Variants in NPAS3 observed in about 807,000 individuals in gnomAD.
NPAS3 encodes neuronal PAS domain protein 3.
NPAS3 carries 14 observed loss-of-function variants against 73.1 expected under a neutral mutation model. That is an observed-to-expected ratio of 0.19 (90% confidence interval 0.13 to 0.30). NPAS3 has a LOEUF of 0.30. Among genes scored for constraint, NPAS3 ranks in the 10% least tolerant of loss-of-function variants. The pLI is 1.00. For missense variants in NPAS3, 1,096 were observed against 1,250.0 expected (o/e 0.88, Z 1.86); for synonymous variants, 620 against 541.5 (o/e 1.14, Z -2.01).
chr14:33,548,583 C>A (rs920356596), intron 4 of NPAS3, among the ~76,000 whole-genome samples: 1 of 152,246 alleles, frequency 6.6e-6, no homozygotes, highest in African/African-American at 2.4e-5. Context: ...TGTTATACAA[C>A]TTCAGTAAAC....
chr14:33,473,908 C>A (rs2050901918), intron 4 of NPAS3, among the ~76,000 whole-genome samples: 1 of 152,140 alleles, frequency 6.6e-6, no homozygotes, highest in Admixed American at 6.5e-5. Flanking sequence ...ATCCACAAAG[C>A]CTCAAATATG....
At chr14:33,662,766 A>G (rs2059343881) in intron 5 of NPAS3, among the ~76,000 whole-genome samples, 1 of 150,576 alleles carries the variant, frequency 6.6e-6, no homozygotes, top group South Asian at 2.1e-4. Context: ...TTATTGGTGT[A>G]TAGGAATGCT....
chr14:32,975,090 A>T (rs1389774815), intron 1 of NPAS3, among the ~76,000 whole-genome samples: 1 of 152,176 alleles, frequency 6.6e-6, no homozygotes, highest in Non-Finnish European at 1.5e-5. Context: ...AAAGTGTGAC[A>T]TAAAAGTCTA....
chr14:33,743,931 T>C (rs549676605), intron 7 of NPAS3, among the ~76,000 whole-genome samples: 5 of 152,352 alleles, frequency 3.3e-5, no homozygotes, highest in African/African-American at 1.2e-4. Context: ...TCAGCCTTCA[T>C]AGAATTGAAG....
chr14:33,085,899 G>T (rs1455598845), intron 2 of NPAS3, among the ~76,000 whole-genome samples: 1 of 152,134 alleles, frequency 6.6e-6, no homozygotes, highest in Non-Finnish European at 1.5e-5. Context: ...ATATTATGAT[G>T]GTAGTCAACT....
At chr14:33,772,638 T>C (rs1165373934) in intron 7 of NPAS3, among the ~76,000 whole-genome samples, 1 of 152,228 alleles carries the variant, frequency 6.6e-6, no homozygotes, top group Non-Finnish European at 1.5e-5. Context: ...TGAGCATCTA[T>C]GTAAGCCTAG....
In NPAS3 at chr14:33,775,644, G is replaced by A. The variant is rs1213528249; in HGVS notation, c.1046+1114G>A. Among the ~76,000 whole-genome samples the A allele has an allele frequency of 2.6e-5, 4 of 152,192 alleles. No individual in the cohort carries two copies. The East Asian group carries it at 5.8e-4, about 22-fold the overall frequency. ...ACCTGAGCTATGAGTGTTCAATAGGGTGGAAGATCTCATGAACCTGTTGCT... is the reference window on the plus strand; with the variant it reads ...ACCTGAGCTATGAGTGTTCAATAGGATGGAAGATCTCATGAACCTGTTGCT... On this transcript the variant is annotated intron_variant, in intron 8 of 11. Coordinates refer to ENST00000356141, the Ensembl canonical transcript of NPAS3.
intron 4 of NPAS3, among the ~76,000 whole-genome samples, chr14:33,404,032 T>C (rs3742932): frequency 0.1 from 15,379 of 152,236 alleles, 1,138 homozygotes; most frequent in East Asian, 0.4. Flanking sequence ...GTAATCGTGA[T>C]GCACAGCGTC....
At chr14:33,481,321 G>A (rs1319274602) in intron 4 of NPAS3, among the ~76,000 whole-genome samples, 1 of 152,168 alleles carries the variant, frequency 6.6e-6, no homozygotes, top group African/African-American at 2.4e-5. Flanking sequence ...GTCTATCAGT[G>A]CTGCTCATGT....
intron 3 of NPAS3, among the ~76,000 whole-genome samples, chr14:33,279,875 CA>C (rs1426373915): frequency 6.6e-6 from 1 of 151,944 alleles, no homozygotes; most frequent in Non-Finnish European, 1.5e-5. Flanking sequence ...TTTTGAACTG[CA>C]AAAAAATCAT....
rs139005422 is a variant in NPAS3 at position 33,716,808 on chromosome 14, C to T, written c.734-18406C>T. On this transcript the variant is annotated intron_variant, in intron 6 of 11. Transcript: ENST00000356141. ...TTTTGTTGCTGTTGTTTCTGAGCGCCGCCCCCACCCGACGATGGCTCATTT... is the reference window on the plus strand; with the variant it reads ...TTTTGTTGCTGTTGTTTCTGAGCGCTGCCCCCACCCGACGATGGCTCATTT... Among the ~76,000 whole-genome samples, 310 of 152,136 alleles carry T rather than the reference C, an allele frequency of 2.0e-3. 1 individual carries two copies. The highest frequency in any genetic ancestry group is 3.5e-3 in the South Asian group (17 of 4,810).
intron 3 of NPAS3, among the ~76,000 whole-genome samples, chr14:33,307,047 G>A (rs2042781372): frequency 6.6e-6 from 1 of 152,146 alleles, no homozygotes; most frequent in Non-Finnish European, 1.5e-5. Flanking sequence ...GCTCTGACCT[G>A]GCTATTGCAG....
intron 2 of NPAS3, among the ~76,000 whole-genome samples, chr14:33,111,574 A>C (rs1308960308): frequency 6.6e-6 from 1 of 152,138 alleles, no homozygotes; most frequent in Admixed American, 6.5e-5. Context: ...CCAAAATAAA[A>C]GAGATGTGTT....
downstream of NPAS3, chr14:33,801,853 G>A (rs1416772200): frequency 6.6e-6 from 1 of 151,650 alleles, no homozygotes; most frequent in Non-Finnish European, 1.5e-5. Flanking sequence ...CCTGGGCTGG[G>A]TTTTGGGGGA....
chr14:32,968,844 A>AAC (rs1432347666), intron 1 of NPAS3, among the ~76,000 whole-genome samples: 1 of 151,348 alleles, frequency 6.6e-6, no homozygotes, highest in East Asian at 1.9e-4. Flanking sequence ...TACATAGGTA[A>AAC]ATGTGCGCCA....
At chr14:33,798,181 A>C (rs1202363578) in intron 11 of NPAS3, among the ~76,000 whole-genome samples, 2 of 152,202 alleles carry the variant, frequency 1.3e-5, no homozygotes, top group Non-Finnish European at 2.9e-5. Flanking sequence ...TGCCTCTTTC[A>C]GGGTGCTGGA....
At chr14:33,507,992 G>C (rs2052854071) in intron 4 of NPAS3, among the ~76,000 whole-genome samples, 2 of 151,916 alleles carry the variant, frequency 1.3e-5, no homozygotes. Context: ...GACGCTGAGA[G>C]GCTCAAGTTG....
chr14:33,123,742 C>G (rs1291750909), intron 2 of NPAS3, among the ~76,000 whole-genome samples: 1 of 151,882 alleles, frequency 6.6e-6, no homozygotes, highest in Non-Finnish European at 1.5e-5. Flanking sequence ...GAGAGATTAA[C>G]AGGTAAGTAT....
At chr14:32,987,493 AC>A (rs148360844) in intron 1 of NPAS3, among the ~76,000 whole-genome samples, 15 of 152,272 alleles carry the variant, frequency 9.9e-5, no homozygotes, top group African/African-American at 2.6e-4. Context: ...TTAGTTTCAG[AC>A]CTTTACACAA....
Sources: gnomAD v4.1 joint callset for allele counts (sites outside exome capture counted in the v4.1 genomes callset) on GRCh38, gnomAD v4.1.1 for gene constraint, MANE v1.5 for transcripts, NCBI Gene and HGNC (gene_info 2026-07-23, HGNC 2026-07-21) for gene names.